IGF2R: variants seen among roughly 807,000 people sequenced by gnomAD.
IGF2R encodes the protein cation-independent mannose-6-phosphate receptor.
In IGF2R, 91 loss-of-function variants were observed where a neutral mutation model predicts 270.6. The ratio of observed to expected loss-of-function variants is 0.34; its 90% CI spans 0.28 to 0.40. The LOEUF is 0.40. IGF2R is among the 10% of genes least tolerant of loss of function. The probability of loss-of-function intolerance (pLI) is 1.00; values close to 1 mark genes in which losing one functional copy is unlikely to be tolerated. For missense variants in IGF2R, 2,805 were observed against 3,188.3 expected, an observed-to-expected ratio of 0.88 and a Z score of 2.90; for synonymous variants, 1,316 against 1,258.9, an observed-to-expected ratio of 1.05 and a Z score of -0.96.
In IGF2R at chr6:159,983,013, C is replaced by T. The variant is rs1413310529; in HGVS notation, c.150-8171C>T. ...TCTGAGAGGTGTCATATTAAGATAC[C>T]AATGTCAGTTTAAAGATATTCTATA... On this transcript the variant is annotated intron_variant, in intron 1 of 47. Transcript: ENST00000356956. Among the ~76,000 whole-genome samples the T allele has an allele frequency of 2.6e-5, 4 of 152,116 alleles. No individual in the cohort carries two copies. In the East Asian group the frequency reaches 7.7e-4, roughly 29 times the overall value.
At chr6:160,098,805 C>T (rs766435764) in intron 45 of IGF2R, among the ~76,000 whole-genome samples, 9 of 152,010 alleles carry the variant, frequency 5.9e-5, no homozygotes, top group African/African-American at 1.7e-4. Context: ...GGTGACAGAG[C>T]GAGACTAGAT....
intron 45 of IGF2R, among the ~76,000 whole-genome samples, chr6:160,097,013 A>G (rs1779376597): frequency 6.6e-6 from 1 of 152,204 alleles, no homozygotes; most frequent in South Asian, 2.1e-4. Flanking sequence ...TAATCCTGGA[A>G]CATCTTTTGT....
At chr6:159,982,392 A>C (rs553748894) in intron 1 of IGF2R, among the ~76,000 whole-genome samples, 103 of 152,320 alleles carry the variant, frequency 6.8e-4, no homozygotes, top group African/African-American at 2.4e-3. Context: ...TGCATGTCGA[A>C]AGTAGGAGAA....
intron 30 of IGF2R, among the ~76,000 whole-genome samples, chr6:160,068,611 C>T (rs373265542): frequency 4.7e-5 from 7 of 149,564 alleles, no homozygotes; most frequent in African/African-American, 1.2e-4. Context: ...GTGAGTGTAT[C>T]GAAGGCTGGC....
rs1779596693 is a variant in IGF2R, at chr6:160,105,588, G to C, written c.*504G>C. 6.5e-6 allele frequency: 1 copy of C among 155,014 alleles called. No homozygotes were observed. Among genetic ancestry groups the C allele is most frequent in the African/African-American group, 2.4e-5 (1 of 41,466 alleles). The allele number at this position is 155,014 out of a possible 1,614,324, so 9.6% of individuals were successfully genotyped here. A position where few individuals can be genotyped will look rare whatever the true frequency, so the allele number is the denominator to read the frequency against. Reference sequence around the variant, plus strand: ...CCATCTTGAGATGGTGAGGCTGTCAGTGTATGGGGCAGCTTCCGGCGGGAT... The same window carrying C: ...CCATCTTGAGATGGTGAGGCTGTCACTGTATGGGGCAGCTTCCGGCGGGAT... On this transcript the variant is annotated 3_prime_UTR_variant, in exon 48 of 48. Coordinates refer to ENST00000356956, the MANE Select transcript of IGF2R (RefSeq NM_000876.4).
intron 2 of IGF2R, among the ~76,000 whole-genome samples, chr6:159,994,262 CTGA>C (rs1247840502): frequency 6.6e-6 from 1 of 151,922 alleles, no homozygotes; most frequent in Admixed American, 6.5e-5. Flanking sequence ...ATAGTAGCCT[CTGA>C]TGATCTTTTG....
At chr6:160,065,360 T>A (rs1778545836) in intron 29 of IGF2R, among the ~76,000 whole-genome samples, 1 of 152,194 alleles carries the variant, frequency 6.6e-6, no homozygotes, top group South Asian at 2.1e-4. Context: ...TGTTCTGCCG[T>A]GTGAAACACC....
intron 29 of IGF2R, among the ~76,000 whole-genome samples, chr6:160,066,865 C>T (rs1425788333): frequency 1.3e-5 from 2 of 152,208 alleles, no homozygotes. Flanking sequence ...GTCCCATCAC[C>T]TTCAGGCAGC....
At chr6:160,075,751 G>A (rs1054770491) in intron 35 of IGF2R, 96 bp from the exon 36 acceptor site, 7 of 1,260,964 alleles carry the variant, frequency 5.6e-6, no homozygotes, top group Admixed American at 3.6e-5. Context: ...GAACCTATGA[G>A]GTCTGGTTTT....
chr6:160,094,647 C>T (rs927898393), intron 44 of IGF2R: 2 of 152,700 alleles, frequency 1.3e-5, no homozygotes, highest in Non-Finnish European at 2.9e-5. Flanking sequence ...GCCTGTAATC[C>T]CAGCACTGTG....
chr6:160,047,163 G>A lies in IGF2R; in HGVS notation c.2056G>A (p.Glu686Lys). The A allele has an allele frequency of 1.2e-6, 2 of 1,614,006 alleles. No homozygotes were observed. Among genetic ancestry groups the A allele is most frequent in the Non-Finnish European group, 8.5e-7 (1 of 1,179,946 alleles). ...SGACQVAKSD[E>K]KTWNLGLSNA... The stretch of plus-strand genomic sequence containing the variant: ...AGAAACGTGTGTTTATTTCAGTGAT[G>A]AGAAGACTTGGAACTTGGGTCTGAG... The change falls in exon 16 of 48, where the codon GAG becomes AAG. Residue 686 changes from glutamate to lysine, a missense_variant. Physicochemically the swap from Glu to Lys is moderately conservative, Grantham distance 56. Around this residue, in one of 2 missense-constraint regions of IGF2R, gnomAD observed 954 missense variants for 981.1 expected, o/e 0.97. Transcript: ENST00000356956.
intron 19 of IGF2R, among the ~76,000 whole-genome samples, chr6:160,053,179 C>G (rs1001684783): frequency 6.6e-6 from 1 of 151,950 alleles, no homozygotes; most frequent in Non-Finnish European, 1.5e-5. Context: ...GACAGAAAAC[C>G]AAACACTGCA....
At chr6:159,979,085 G>A (rs986482328) in intron 1 of IGF2R, among the ~76,000 whole-genome samples, 3 of 152,178 alleles carry the variant, frequency 2.0e-5, no homozygotes, top group African/African-American at 7.2e-5. Flanking sequence ...AGGCCAGGAG[G>A]GTCTTGCTGT....
chr6:159,969,233 C>A lies in IGF2R; in HGVS notation c.-14C>A. On this transcript the variant is annotated 5_prime_UTR_variant, in exon 1 of 48. Coordinates refer to ENST00000356956, the MANE Select transcript of IGF2R (RefSeq NM_000876.4). ...GTTAGCCTCGCGCCCGCCGCGCAGT[C>A]CGGGCCCGGCGCGATGGGGGCCGCC... The A allele has an allele frequency of 7.0e-6, 7 of 999,066 alleles. No individual in the cohort carries two copies. The highest frequency in any genetic ancestry group is 8.3e-6 in the Non-Finnish European group (7 of 841,136). The allele number at this position is 999,066 out of a possible 1,614,324, so 61.9% of individuals were successfully genotyped here.
Position 160,084,870 on chromosome 6 carries a change from C to A in IGF2R, c.6069-125C>A. ...GGAAAAGCTATTTTAGTGCTACATT[C>A]AGTGATGGAATGGAGCCCTTAGTTA... On this transcript the variant is annotated intron_variant, in intron 40 of 47. Coordinates refer to ENST00000356956, the MANE Select transcript of IGF2R (RefSeq NM_000876.4). The surrounding 1 kb of genome is among the most constrained non-coding windows in gnomAD (Gnocchi z 4.6). The A allele has an allele frequency of 1.2e-6, 1 of 864,644 alleles. No individual in the cohort carries two copies. Among genetic ancestry groups the A allele is most frequent in the Non-Finnish European group, 1.8e-6 (1 of 560,310 alleles). 53.6% of individuals were successfully genotyped at this position (864,644 alleles called of 1,614,324 possible). A position where few individuals can be genotyped will look rare whatever the true frequency, so the allele number is the denominator to read the frequency against.
intron 4 of IGF2R, among the ~76,000 whole-genome samples, chr6:160,016,200 G>T (rs1478446414): frequency 1.3e-5 from 2 of 152,190 alleles, no homozygotes; most frequent in Non-Finnish European, 2.9e-5. Flanking sequence ...TCCTGCTATT[G>T]CCTGCTATGC....
At chr6:160,043,612 AT>A (rs1226335667) in intron 12 of IGF2R, among the ~76,000 whole-genome samples, 19 of 152,212 alleles carry the variant, frequency 1.2e-4, no homozygotes, top group African/African-American at 4.6e-4. Flanking sequence ...ATTTTATTTT[AT>A]TTTTTAACAA....
chr6:159,980,679 GGTTTTCTAGAAAGGCCC>G (rs1162347548), intron 1 of IGF2R, among the ~76,000 whole-genome samples: 115 of 152,324 alleles, frequency 7.5e-4, no homozygotes, highest in Middle Eastern at 6.8e-3. Context: ...ACAGCCCGCA[GGTTTTCTAGAAAGGCCC>G]ACCTTCCCTT....
chr6:160,014,390 G>C (rs1185098003), intron 4 of IGF2R, among the ~76,000 whole-genome samples: 1 of 152,260 alleles, frequency 6.6e-6, no homozygotes, highest in Non-Finnish European at 1.5e-5. Context: ...GAAGTGGGAG[G>C]GTGTTCCCCA....
Sources: allele counts gnomAD v4.1 joint callset (sites outside exome capture counted in the v4.1 genomes callset), GRCh38; gene constraint gnomAD v4.1.1; regional missense constraint gnomAD v4.1.1; non-coding constraint Gnocchi (gnomAD v3.1); transcripts MANE v1.5; gene names NCBI Gene and HGNC (gene_info 2026-07-23, HGNC 2026-07-21).